COPB1: variants seen among roughly 807,000 people sequenced by gnomAD.
COPB1 encodes coat protein complex I subunit beta 1, also known as coatomer subunit beta.
COPB1 carries 21 observed loss-of-function variants against 108.7 expected under a neutral mutation model. The observed-to-expected ratio is 0.19, with a 90% CI of 0.14 to 0.28. COPB1 has a LOEUF of 0.28. Among genes scored for constraint, COPB1 ranks in the 10% least tolerant of loss-of-function variants. COPB1 has a pLI of 1.00. For synonymous variants in COPB1, 378 were observed against 386.8 expected (o/e 0.98, Z 0.27); for missense variants, 919 against 1,141.3 (o/e 0.81, Z 2.81).
At chr11:14,486,617 A>C in intron 6 of COPB1, 113 bp from the exon 7 acceptor site, 1 of 1,289,956 alleles carries the variant, frequency 7.8e-7, no homozygotes, top group Admixed American at 2.0e-5. Context: ...ATGAAAGCTA[A>C]GAACAGTCTT....
chr11:14,461,287 G>A lies in COPB1; in HGVS notation c.2455C>T (p.Leu819Phe). ...ATGATGTCGATGTGAATATCACTGA[G>A]AACCACACAATTTCTGTCACTTGCT... ...GAASDRNCVV[L>F]SDIHIDIMDY... is the part of the protein sequence containing the mutation. The change falls in exon 19 of 22, where the codon CTC becomes TTC. Residue 819 changes from leucine to phenylalanine, a missense_variant. Leu to Phe is a conservative substitution (Grantham distance 22, BLOSUM62 0). Transcript: ENST00000439561. 2 of 1,614,108 alleles carry A rather than the reference G, an allele frequency of 1.2e-6. No homozygotes were observed.
chr11:14,495,068 A>G (rs938920802), intron 2 of COPB1, among the ~76,000 whole-genome samples: 2 of 152,248 alleles, frequency 1.3e-5, no homozygotes, highest in African/African-American at 4.8e-5. Context: ...GTCATTATTT[A>G]GAATTAAGGA....
At chr11:14,482,244 C>CTT (rs1850675961) in intron 8 of COPB1, among the ~76,000 whole-genome samples, 1 of 152,050 alleles carries the variant, frequency 6.6e-6, no homozygotes, top group African/African-American at 2.4e-5. Flanking sequence ...TCAATCTGTC[C>CTT]CAATAATGTC....
At chr11:14,461,456 T>C (rs1341484825) in intron 18 of COPB1, 125 bp from the exon 19 acceptor site, 4 of 925,656 alleles carry the variant, frequency 4.3e-6, no homozygotes, top group African/African-American at 1.7e-5. Flanking sequence ...ATACTTATTA[T>C]GTACAGAGCT....
intron 10 of COPB1, among the ~76,000 whole-genome samples, 184 bp downstream of exon 10, chr11:14,480,575 A>T (rs1027205702): frequency 1.3e-5 from 2 of 152,192 alleles, no homozygotes; most frequent in African/African-American, 4.8e-5. Context: ...TGATGAATAT[A>T]TAAGTGAAAG....
Position 14,481,061 on chromosome 11 carries a change from G to A in COPB1, c.994C>T (p.Pro332Ser), listed in dbSNP as rs1850650313. The change falls in exon 9 of 22, where the codon CCA becomes TCA. Residue 332 changes from proline (P) to serine (S), a missense_variant. Physicochemically the swap from Pro to Ser is moderately conservative, Grantham distance 74. Around this residue, in one of 5 missense-constraint regions of COPB1, gnomAD observed 705 missense variants for 817.8 expected, o/e 0.86. Transcript: ENST00000439561. ...GTTTTCTTTCGTACTTCTAAGTCTGGTGTGCTCAATACTCTTAGGATATCC... is the reference window on the plus strand; with the variant it reads ...GTTTTCTTTCGTACTTCTAAGTCTGATGTGCTCAATACTCTTAGGATATCC... ...VMDILRVLST[P>S]DLEVRKKTLQ... The A allele has an allele frequency of 1.2e-6, 2 of 1,613,538 alleles. No homozygotes were observed. Among genetic ancestry groups the A allele is most frequent in the Non-Finnish European group, 1.7e-6 (2 of 1,179,864 alleles).
rs1422910769 is a variant in COPB1, at chr11:14,460,300, G to A, written c.2557-3C>T. 2.5e-6 allele frequency: 4 copies of A among 1,583,986 alleles called. No individual in the cohort carries two copies. Among genetic ancestry groups the A allele is most frequent in the Non-Finnish European group, 3.4e-6 (4 of 1,160,968 alleles). On this transcript the variant is annotated splice_polypyrimidine_tract_variant and splice_region_variant and intron_variant, in intron 19 of 21. Transcript: ENST00000439561. ...ACCATGTTGGTGTTAACTGTCACCT[G>A]TAGAGAGGAAAAAAAAGTCAAGGAG...
intron 21 of COPB1, 107 bp downstream of exon 21, chr11:14,458,425 A>G (rs1850073943): frequency 1.2e-5 from 12 of 1,034,622 alleles, no homozygotes; most frequent in Admixed American, 2.4e-5. Flanking sequence ...TTGTATGTGT[A>G]TATGCATCTA....
At chr11:14,464,353 C>T (rs1024235141) in intron 18 of COPB1, among the ~76,000 whole-genome samples, 3 of 152,190 alleles carry the variant, frequency 2.0e-5, no homozygotes, top group African/African-American at 7.2e-5. Flanking sequence ...CTTACCATTA[C>T]ATACTGCACA....
Position 14,484,495 on chromosome 11 carries a change from G to T in COPB1, c.838-1344C>A, listed in dbSNP as rs539623623. The stretch of plus-strand genomic sequence containing the variant: ...AGCACTTTGGGAGGTCGAGGCGGGT[G>T]GATCACAAGGTCAGGAGATCGAGAC... On this transcript the variant is annotated intron_variant, in intron 7 of 21. Coordinates refer to ENST00000439561, the MANE Select transcript of COPB1 (RefSeq NM_001144061.2). 8.7e-4 allele frequency among the ~76,000 whole-genome samples: 133 copies of T among 152,272 alleles called. 1 individual carries two copies. The highest frequency in any genetic ancestry group is 2.1e-3 in the South Asian group (10 of 4,822).
chr11:14,465,309 G>T (rs1467188389), intron 17 of COPB1, among the ~76,000 whole-genome samples: 1 of 151,980 alleles, frequency 6.6e-6, no homozygotes, highest in Admixed American at 6.6e-5. Flanking sequence ...TATTTAATTT[G>T]TGGGAAGGGA....
rs1266911368 is a variant in COPB1, at chr11:14,457,827, T to C, written c.2859A>G (p.Ile953Met). Reference protein sequence around the residue: ...KINLSQKKTSI With the variant: ...KINLSQKKTSM ...TTCAAGGACTTTTTGTTTATTTTTA[T>C]ATACTAGTTTTCTTCTGTGACAAGT... The change falls in exon 22 of 22, where the codon ATA (isoleucine) becomes ATG (methionine). Residue 953 changes from isoleucine (I) to methionine (M), a missense_variant. By Grantham distance (10) the Ile-to-Met change is conservative (BLOSUM62 1). This residue lies in a region of COPB1 where 705 missense variants were observed against 817.8 expected (regional missense o/e 0.86). Transcript: ENST00000439561. The C allele has an allele frequency of 8.2e-6, 13 of 1,584,118 alleles. No homozygotes were observed. Among genetic ancestry groups the C allele is most frequent in the Non-Finnish European group, 9.5e-6 (11 of 1,155,542 alleles).
rs750998842 is a variant in COPB1 at position 14,479,635 on chromosome 11, A to G, written c.1292T>C (p.Phe431Ser). Residue 431 changes from phenylalanine to serine, a missense_variant, in exon 11 of 22, where the codon TTT (phenylalanine) becomes TCT (serine). Around this residue, in one of 5 missense-constraint regions of COPB1, gnomAD observed 705 missense variants for 817.8 expected, o/e 0.86. Coordinates refer to ENST00000439561, the MANE Select transcript of COPB1 (RefSeq NM_001144061.2). ...LEFVREAIQR[F>S]DNLRMLIVEK... ...AACAATAAGCATTCTCAGGTTATCA[A>G]AGCGCTGAATGGCTTCACGAACAAA... The G allele has an allele frequency of 3.1e-6, 5 of 1,613,712 alleles. No individual in the cohort carries two copies. In the South Asian group the frequency reaches 3.3e-5, roughly 11 times the overall value.
intron 18 of COPB1, among the ~76,000 whole-genome samples, chr11:14,463,499 G>A (rs1850206470): frequency 6.6e-6 from 1 of 152,076 alleles, no homozygotes; most frequent in South Asian, 2.1e-4. Flanking sequence ...TGTATTTTTA[G>A]TAGAGACAGG....
intron 20 of COPB1, among the ~76,000 whole-genome samples, chr11:14,459,624 T>C (rs1240210145): frequency 1.3e-5 from 2 of 152,154 alleles, no homozygotes. Flanking sequence ...ACGATTTTAT[T>C]TATCTTTTTG....
rs562435455 is a variant in COPB1 at position 14,469,097 on chromosome 11, C to T, written c.1966-237G>A. ...GCAGCCTCGAACTCTTAGATTCAAA[C>T]GATCCTTCATCCTCAGCCTTCCAAG... On this transcript the variant is annotated intron_variant, in intron 15 of 21. Coordinates refer to ENST00000439561, the MANE Select transcript of COPB1 (RefSeq NM_001144061.2). Among the ~76,000 whole-genome samples the T allele has an allele frequency of 3.8e-4, 58 of 152,208 alleles. 1 individual carries two copies. The highest frequency in any genetic ancestry group is 1.3e-3 in the African/African-American group (53 of 41,524).
In COPB1 at chr11:14,490,640, T is replaced by G; in HGVS notation, c.531A>C (p.Ile177=). The G allele has an allele frequency of 6.2e-7, 1 of 1,613,058 alleles. No homozygotes were observed. Among genetic ancestry groups the G allele is most frequent in the African/African-American group, 1.3e-5 (1 of 75,000 alleles). The change falls in exon 5 of 22, where the codon ATA becomes ATC. Residue 177 remains isoleucine, a synonymous_variant. Transcript: ENST00000439561. ...CCTTCTCATTCACCAGAAAATCATGTATCAGTTCAGGAGCATCAGGTATAA... is the reference window on the plus strand; with the variant it reads ...CCTTCTCATTCACCAGAAAATCATGGATCAGTTCAGGAGCATCAGGTATAA... The part of the protein sequence containing the change: ...EHLIPDAPEL[I]HDFLVNEKDA...
At chr11:14,473,115 C>G (rs1489099782) in intron 14 of COPB1, among the ~76,000 whole-genome samples, 2 of 152,116 alleles carry the variant, frequency 1.3e-5, no homozygotes, top group Non-Finnish European at 2.9e-5. Context: ...GCTGGGAGTA[C>G]AGGCGCCTGC....
chr11:14,489,418 G>T (rs1279770237), intron 5 of COPB1, among the ~76,000 whole-genome samples: 1 of 152,220 alleles, frequency 6.6e-6, no homozygotes, highest in Non-Finnish European at 1.5e-5. Context: ...ACAGATACGT[G>T]TACATCTACG....
Sources: allele counts gnomAD v4.1 joint callset (sites outside exome capture counted in the v4.1 genomes callset), GRCh38; gene constraint gnomAD v4.1.1; regional missense constraint gnomAD v4.1.1; transcripts MANE v1.5; gene names NCBI Gene and HGNC (gene_info 2026-07-23, HGNC 2026-07-21).